Variants in NAALADL2 observed in about 807,000 individuals in gnomAD.
The protein encoded by NAALADL2 is inactive N-acetylated-alpha-linked acidic dipeptidase-like protein 2.
In NAALADL2, 76 loss-of-function variants were observed where a neutral mutation model predicts 87.2. The ratio of observed to expected loss-of-function variants is 0.87; its 90% CI spans 0.72 to 1.05. The LOEUF is 1.05. NAALADL2 is among the 50% of genes least tolerant of loss of function. The pLI, the probability that NAALADL2 is intolerant of heterozygous loss-of-function variation, is 0.00. For synonymous variants in NAALADL2, 354 were observed against 331.0 expected (o/e 1.07, Z -0.75); for missense variants, 1,089 against 945.8 (o/e 1.15, Z -1.99).
At chr3:175,702,498 C>A (rs1457691652) in intron 11 of NAALADL2, among the ~76,000 whole-genome samples, 1 of 152,018 alleles carries the variant, frequency 6.6e-6, no homozygotes, top group Non-Finnish European at 1.5e-5. Flanking sequence ...AGAATCACTG[C>A]CTACAAAGTT....
At chr3:175,346,313 T>C (rs1250094669) in intron 5 of NAALADL2, among the ~76,000 whole-genome samples, 1 of 151,962 alleles carries the variant, frequency 6.6e-6, no homozygotes, top group African/African-American at 2.4e-5. Context: ...CACACACACA[T>C]ATGAATATAA....
chr3:175,489,221 AT>A (rs1256276379), intron 9 of NAALADL2, among the ~76,000 whole-genome samples: 2 of 152,228 alleles, frequency 1.3e-5, no homozygotes, highest in African/African-American at 4.8e-5. Context: ...ATACTATTAT[AT>A]TAAAAAAAAT....
At chr3:175,718,473 T>C (rs1741710482) in intron 11 of NAALADL2, 16 of 1,584,006 alleles carry the variant, frequency 1.0e-5, no homozygotes, top group Non-Finnish European at 1.3e-5. Context: ...ATTTTAAGGC[T>C]GTATATTCGG....
At chr3:174,573,719 C>T (rs1715191590) in intron 2 of NAALADL2, among the ~76,000 whole-genome samples, 1 of 151,990 alleles carries the variant, frequency 6.6e-6, no homozygotes, top group Non-Finnish European at 1.5e-5. Context: ...CTTTTTTTAG[C>T]AATTAATTCT....
rs80312511 is a variant in NAALADL2 at position 175,128,740 on chromosome 3, A to G, written c.545+31449A>G. 6.9e-3 allele frequency among the ~76,000 whole-genome samples: 1,054 copies of G among 152,268 alleles called. 22 individuals carry two copies. The highest frequency in any genetic ancestry group is 8.2e-3 in the Non-Finnish European group (556 of 68,006). On this transcript the variant is annotated intron_variant, in intron 2 of 13. Transcript: ENST00000454872. ...GATTCTTTGTGATTTATATAGATTC[A>G]TAGGATCAGAGGATGTTAGAACTAG...
intron 6 of NAALADL2, chr3:175,460,004 G>C: frequency 3.2e-6 from 1 of 315,544 alleles, no homozygotes; most frequent in Non-Finnish European, 6.3e-6. Context: ...TCATTTCCCT[G>C]TTTCACATGT....
chr3:175,732,371 T>C (rs1431891040), intron 11 of NAALADL2, among the ~76,000 whole-genome samples: 1 of 152,198 alleles, frequency 6.6e-6, no homozygotes, highest in Non-Finnish European at 1.5e-5. Context: ...ACCATTCTTC[T>C]CATGAATAGT....
At position 175,645,737 on chromosome 3, in the gene NAALADL2, G is replaced by A. The variant is rs112787251; in HGVS notation, c.1896+18351G>A. 1.6e-4 allele frequency among the ~76,000 whole-genome samples: 25 copies of A among 152,248 alleles called. 1 individual carries two copies. The highest frequency in any genetic ancestry group is 5.5e-4 in the African/African-American group (23 of 41,562). On this transcript the variant is annotated intron_variant, in intron 11 of 13. Coordinates refer to ENST00000454872, the MANE Select transcript of NAALADL2 (RefSeq NM_207015.3). ...TCAGACAAGAGGAAGGTGGGAGTTA[G>A]TTGATAACATAGGACCTCATTATGC...
At chr3:175,399,152 G>A (rs1281648117) in intron 5 of NAALADL2, among the ~76,000 whole-genome samples, 1 of 151,970 alleles carries the variant, frequency 6.6e-6, no homozygotes, top group Non-Finnish European at 1.5e-5. Context: ...TGCTACAAGG[G>A]TTTGTGATAA....
chr3:174,865,791 C>A (rs1006681524), intron 1 of NAALADL2, among the ~76,000 whole-genome samples: 1 of 151,650 alleles, frequency 6.6e-6, no homozygotes, highest in Admixed American at 6.6e-5. Flanking sequence ...GAATAAGTGA[C>A]CAGAAGGAAA....
At chr3:175,463,958 T>A (rs568106217) in intron 7 of NAALADL2, among the ~76,000 whole-genome samples, 4 of 152,140 alleles carry the variant, frequency 2.6e-5, no homozygotes, top group Non-Finnish European at 5.9e-5. Flanking sequence ...TCCTCTTGAG[T>A]AGCTGAGACT....
intron 3 of NAALADL2, among the ~76,000 whole-genome samples, chr3:175,238,078 C>T (rs1406803605): frequency 6.6e-6 from 1 of 151,426 alleles, no homozygotes. Flanking sequence ...TTAAAATATT[C>T]CTGTGTAACC....
At chr3:175,801,332 C>T (rs1754119778) in intron 13 of NAALADL2, among the ~76,000 whole-genome samples, 1 of 152,012 alleles carries the variant, frequency 6.6e-6, no homozygotes, top group South Asian at 2.1e-4. Context: ...CAAGTTTAAT[C>T]TTTTTACCTT....
chr3:174,551,468 TG>T (rs1344302119), intron 2 of NAALADL2: 2 of 152,192 alleles, frequency 1.3e-5, no homozygotes, highest in Admixed American at 6.5e-5. Context: ...TTAAATAAAA[TG>T]GTTCATGAGA....
intron 5 of NAALADL2, among the ~76,000 whole-genome samples, chr3:175,428,043 A>G (rs1717115281): frequency 6.6e-6 from 1 of 152,106 alleles, no homozygotes; most frequent in South Asian, 2.1e-4. Flanking sequence ...AATGGCACTA[A>G]TCTAAATCAT....
intron 4 of NAALADL2, among the ~76,000 whole-genome samples, chr3:175,284,908 G>A (rs1754793728): frequency 6.6e-6 from 1 of 151,954 alleles, no homozygotes; most frequent in Non-Finnish European, 1.5e-5. Flanking sequence ...CTCCAAGATT[G>A]TAACATAAAG....
At chr3:174,658,057 T>A (rs1347464406) in intron 2 of NAALADL2, among the ~76,000 whole-genome samples, 1 of 152,214 alleles carries the variant, frequency 6.6e-6, no homozygotes, top group Admixed American at 6.5e-5. Context: ...GCCTCCAATT[T>A]TTGGCAATTA....
chr3:174,872,787 C>T (rs1260627463), intron 1 of NAALADL2, among the ~76,000 whole-genome samples: 1 of 151,978 alleles, frequency 6.6e-6, no homozygotes, highest in Non-Finnish European at 1.5e-5. Flanking sequence ...CTCTGATAAA[C>T]ATTCTGAAAT....
At chr3:174,731,151 G>A (rs990888964) in intron 2 of NAALADL2, among the ~76,000 whole-genome samples, 1 of 152,068 alleles carries the variant, frequency 6.6e-6, no homozygotes, top group African/African-American at 2.4e-5. Flanking sequence ...TTGAGCTGGG[G>A]ATATGCATGT....
Sources: gnomAD v4.1 joint callset for allele counts (sites outside exome capture counted in the v4.1 genomes callset) on GRCh38, gnomAD v4.1.1 for gene constraint, MANE v1.5 for transcripts, NCBI Gene and HGNC (gene_info 2026-07-23, HGNC 2026-07-21) for gene names.